The following DOCK1 variants were observed in gnomAD, a reference collection of about 807,000 sequenced individuals.
DOCK1 encodes the protein dedicator of cytokinesis 1.
Under a neutral mutation model 262.7 loss-of-function variants are expected in DOCK1, and 138 were observed. That is an observed-to-expected ratio of 0.53 (90% CI 0.46 to 0.61). The LOEUF (loss-of-function observed/expected upper bound fraction) is 0.61, where lower values mean the gene tolerates loss of function less well. Ranked by LOEUF, DOCK1 falls within the 20% of genes least tolerant of loss-of-function variation. DOCK1 has a pLI of 0.00. For synonymous variants in DOCK1, 866 were observed against 867.4 expected (o/e 1.00, Z 0.03); for missense variants, 1,908 against 2,370.7 (o/e 0.80, Z 4.05).
At chr10:126,950,519 G>A (rs1044736307) in intron 1 of DOCK1, among the ~76,000 whole-genome samples, 184 of 152,236 alleles carry the variant, frequency 1.2e-3, no homozygotes, top group African/African-American at 4.1e-3. Context: ...GCCTTTGACA[G>A]TGCCCAGAAT....
rs541243212 is a variant in DOCK1 at position 127,448,881 on chromosome 10, G to A, written c.5565+1336G>A. ...TTTTCTTTTTTTTTAATGGAGACTCGTTGACGGAGTGTTCCACAAGGTCAT... is the reference window on the plus strand; with the variant it reads ...TTTTCTTTTTTTTTAATGGAGACTCATTGACGGAGTGTTCCACAAGGTCAT... On this transcript the variant is annotated intron_variant, in intron 51 of 51. Coordinates refer to ENST00000623213, the MANE Select transcript of DOCK1 (RefSeq NM_001290223.2). Among the ~76,000 whole-genome samples the A allele has an allele frequency of 7.3e-5, 11 of 149,978 alleles. No homozygotes were observed. In the South Asian group the frequency reaches 1.9e-3, roughly 26 times the overall value.
chr10:127,343,600 A>G (rs765285794), intron 30 of DOCK1, 46 bp from the exon 31 acceptor site: 2 of 1,427,596 alleles, frequency 1.4e-6, no homozygotes, highest in South Asian at 1.2e-5. Context: ...GAGATCCTAT[A>G]TCAAGCTGTT....
At chr10:127,138,672 T>TTCAGTAAAGACAACACAGAAG (rs1251015471) in intron 27 of DOCK1, among the ~76,000 whole-genome samples, 1 of 152,100 alleles carries the variant, frequency 6.6e-6, no homozygotes, top group African/African-American at 2.4e-5. Context: ...GTGGGGAGTG[T>TTCAGTAAAGACAACACAGAAG]TCAGTAAAGA....
chr10:126,941,802 G>A (rs1172872508), intron 1 of DOCK1, among the ~76,000 whole-genome samples: 5 of 152,012 alleles, frequency 3.3e-5, no homozygotes, highest in African/African-American at 1.2e-4. Context: ...CAGCATTTGT[G>A]GATTGTACCT....
chr10:127,298,157 T>G (rs746990109), intron 29 of DOCK1, among the ~76,000 whole-genome samples: 13 of 152,232 alleles, frequency 8.5e-5, no homozygotes, highest in Non-Finnish European at 1.8e-4. Flanking sequence ...TATTTGTTCA[T>G]GCATACTGTG....
intron 29 of DOCK1, among the ~76,000 whole-genome samples, chr10:127,313,232 C>G (rs1437703694): frequency 6.6e-6 from 1 of 152,164 alleles, no homozygotes; most frequent in Non-Finnish European, 1.5e-5. Flanking sequence ...CTCACCTCCC[C>G]TCAGAGTGCC....
chr10:127,207,003 T>A (rs574573967), intron 27 of DOCK1, among the ~76,000 whole-genome samples: 2 of 152,342 alleles, frequency 1.3e-5, no homozygotes, highest in Non-Finnish European at 2.9e-5. Flanking sequence ...CTTCTAATGC[T>A]TTTGAGTTTT....
intron 27 of DOCK1, chr10:127,145,979 C>G (rs753262817): frequency 9.7e-6 from 5 of 515,226 alleles, no homozygotes; most frequent in Non-Finnish European, 1.5e-5. Flanking sequence ...AGAACCTGCC[C>G]TGGGGACCCC....
intron 44 of DOCK1, among the ~76,000 whole-genome samples, chr10:127,416,886 AGG>A (rs929358460): frequency 6.7e-6 from 1 of 148,392 alleles, no homozygotes; most frequent in African/African-American, 2.5e-5. Context: ...ACACCGGACA[AGG>A]GGCCCTCTCA....
At chr10:127,095,065 G>A (rs529915486) in intron 23 of DOCK1, among the ~76,000 whole-genome samples, 13 of 152,314 alleles carry the variant, frequency 8.5e-5, no homozygotes, top group African/African-American at 2.9e-4. Context: ...ATTTGTTCTT[G>A]CCTAGATTAC....
chr10:127,211,559 G>C (rs568500302), intron 27 of DOCK1, among the ~76,000 whole-genome samples: 1 of 152,258 alleles, frequency 6.6e-6, no homozygotes, highest in East Asian at 1.9e-4. Context: ...TTTTATTATT[G>C]TCATGTTTGC....
intron 8 of DOCK1, 86 bp downstream of exon 8, chr10:126,998,335 G>A: frequency 6.5e-7 from 1 of 1,549,330 alleles, no homozygotes; most frequent in Non-Finnish European, 8.8e-7. Context: ...TCCCATTCAT[G>A]CTGAGAGGCC....
intron 19 of DOCK1, 21 bp from the exon 20 acceptor site, chr10:127,042,604 C>T (rs779847263): frequency 1.2e-4 from 201 of 1,610,994 alleles, no homozygotes; most frequent in Non-Finnish European, 1.6e-4. Context: ...CATTGTCACC[C>T]GACCTTCTGT....
At position 127,031,721 on chromosome 10, in the gene DOCK1, C is replaced by A; in HGVS notation, c.1696C>A (p.Arg566=). 1 of 1,613,080 alleles carries A rather than the reference C, an allele frequency of 6.2e-7. No individual in the cohort carries two copies. Among genetic ancestry groups the A allele is most frequent in the Non-Finnish European group, 8.5e-7 (1 of 1,179,698 alleles). ...KLMRYDGTTL[R]DGEHDLIVYK... is the part of the protein sequence containing the mutation. ...GATGAGATACGATGGTACCACCCTG[C>A]GAGACGGAGAGCACGATCTTATCGT... Residue 566 remains arginine, a synonymous_variant, in exon 17 of 52, where the codon CGA becomes AGA. Coordinates refer to ENST00000623213, the MANE Select transcript of DOCK1 (RefSeq NM_001290223.2).
chr10:127,102,960 C>G (rs1299974603), intron 23 of DOCK1, among the ~76,000 whole-genome samples: 1 of 152,188 alleles, frequency 6.6e-6, no homozygotes, highest in Non-Finnish European at 1.5e-5. Context: ...CCCCTGTATT[C>G]CCCTGCCCGC....
intron 46 of DOCK1, among the ~76,000 whole-genome samples, chr10:127,425,194 A>C (rs2068741193): frequency 6.6e-6 from 1 of 152,334 alleles, no homozygotes; most frequent in African/African-American, 2.4e-5. Flanking sequence ...CCTGGGGGGA[A>C]GCAGAGACCA....
intron 46 of DOCK1, among the ~76,000 whole-genome samples, chr10:127,424,073 G>T (rs1015501212): frequency 6.6e-6 from 1 of 152,060 alleles, no homozygotes; most frequent in Admixed American, 6.6e-5. Context: ...TCAGACCCTC[G>T]GTCTATGTTA....
intron 38 of DOCK1, among the ~76,000 whole-genome samples, chr10:127,387,141 G>A (rs764443232): frequency 1.3e-5 from 2 of 152,170 alleles, no homozygotes; most frequent in African/African-American, 2.4e-5. Context: ...GGCTGTTGCC[G>A]GGCTCTCTTT....
chr10:127,374,918 G>T (rs367989198), intron 35 of DOCK1, among the ~76,000 whole-genome samples: 1 of 152,218 alleles, frequency 6.6e-6, no homozygotes, highest in African/African-American at 2.4e-5. Flanking sequence ...TCAGATTCTG[G>T]CCTCTGGAAC....
Sources: gnomAD v4.1 joint callset for allele counts (sites outside exome capture counted in the v4.1 genomes callset) on GRCh38, gnomAD v4.1.1 for gene constraint, MANE v1.5 for transcripts, NCBI Gene and HGNC (gene_info 2026-07-23, HGNC 2026-07-21) for gene names.